The following MARK3 variants were observed in gnomAD, a reference collection of about 807,000 sequenced individuals.
The protein encoded by MARK3 is microtubule affinity regulating kinase 3.
A neutral mutation model predicts 90.1 loss-of-function variants in MARK3; 46 were observed. That is an observed-to-expected ratio of 0.51 (90% CI 0.40 to 0.65). The LOEUF is 0.65. MARK3 is among the 30% of genes least tolerant of loss of function. The probability of loss-of-function intolerance (pLI) is 0.00; values close to 1 mark genes in which losing one functional copy is unlikely to be tolerated. For synonymous variants in MARK3, 321 were observed against 332.6 expected (o/e 0.97, Z 0.38); for missense variants, 818 against 947.2 (o/e 0.86, Z 1.79).
chr14:103,436,111 G>A (rs911130639), intron 3 of MARK3, among the ~76,000 whole-genome samples: 5 of 151,952 alleles, frequency 3.3e-5, no homozygotes, highest in Admixed American at 3.3e-4. Context: ...GGCTGGTCTC[G>A]AACTCCTGAC....
intron 2 of MARK3, among the ~76,000 whole-genome samples, chr14:103,413,876 T>C (rs909460337): frequency 6.6e-6 from 1 of 152,180 alleles, no homozygotes; most frequent in Non-Finnish European, 1.5e-5. Context: ...GTTGCATATA[T>C]TGACAGTTTG....
At chr14:103,389,541 A>AAAAAAAAAAAAAAAAAAAC in intron 1 of MARK3, among the ~76,000 whole-genome samples, 3 of 146,332 alleles carry the variant, frequency 2.1e-5, no homozygotes, top group Non-Finnish European at 4.5e-5. Context: ...AAAAAAAAAA[A>AAAAAAAAAAAAAAAAAAAC]AAAAAAAGCA....
intron 2 of MARK3, among the ~76,000 whole-genome samples, chr14:103,426,289 T>A (rs1261880125): frequency 7.9e-6 from 1 of 127,002 alleles, no homozygotes; most frequent in African/African-American, 2.9e-5. Flanking sequence ...TTTTTTTTTT[T>A]ACAGTTTCTC....
At chr14:103,430,793 GTC>G (rs2092559965) in intron 3 of MARK3, among the ~76,000 whole-genome samples, 1 of 152,142 alleles carries the variant, frequency 6.6e-6, no homozygotes, top group Admixed American at 6.6e-5. Flanking sequence ...TCACAGATGA[GTC>G]TCTTCATTTT....
At chr14:103,406,088 T>A (rs1356851332) in intron 2 of MARK3, among the ~76,000 whole-genome samples, 1 of 151,648 alleles carries the variant, frequency 6.6e-6, no homozygotes, top group African/African-American at 2.4e-5. Flanking sequence ...AGAGACAGGG[T>A]TCTCACCGTG....
At chr14:103,436,704 C>T (rs2092724571) in intron 3 of MARK3, among the ~76,000 whole-genome samples, 1 of 152,318 alleles carries the variant, frequency 6.6e-6, no homozygotes, top group South Asian at 2.1e-4. Context: ...CCTGGAACTT[C>T]TGGGCTTAAG....
rs970982468 is a variant in MARK3 at position 103,458,346 on chromosome 14, C to T, written c.483+1134C>T. On this transcript the variant is annotated intron_variant, in intron 6 of 17. Coordinates refer to ENST00000429436, the MANE Select transcript of MARK3 (RefSeq NM_001128918.3). ...TGATGGCAGGTGCCTGTAATCCCAG[C>T]TACTGGGGAGGCTGAGGCAGGAGAA... 3.3e-5 allele frequency among the ~76,000 whole-genome samples: 5 copies of T among 150,312 alleles called. No homozygotes were observed. The South Asian group carries it at 1.1e-3, about 32-fold the overall frequency.
At chr14:103,386,294 G>T in intron 1 of MARK3, 1 of 703,630 alleles carries the variant, frequency 1.4e-6, no homozygotes, top group South Asian at 1.5e-5. Context: ...CATCGATTAT[G>T]CCGGCAGTCT....
chr14:103,430,260 CATT>C (rs1332062266), intron 3 of MARK3, among the ~76,000 whole-genome samples: 1 of 152,054 alleles, frequency 6.6e-6, no homozygotes, highest in East Asian at 1.9e-4. Context: ...GTTTATAGGC[CATT>C]GTTTAAAATT....
chr14:103,496,261 C>A (rs1299382303), intron 15 of MARK3, among the ~76,000 whole-genome samples: 1 of 152,130 alleles, frequency 6.6e-6, no homozygotes, highest in African/African-American at 2.4e-5. Context: ...TAGTAATTGA[C>A]CAGTAACCCT....
chr14:103,434,424 A>G (rs2092666954), intron 3 of MARK3, among the ~76,000 whole-genome samples: 1 of 152,236 alleles, frequency 6.6e-6, no homozygotes, highest in African/African-American at 2.4e-5. Flanking sequence ...AATTTTAGCT[A>G]CAGCATGATC....
At chr14:103,415,149 T>TC (rs1356128805) in intron 2 of MARK3, among the ~76,000 whole-genome samples, 1,169 of 49,812 alleles carry the variant, frequency 0.023, 92 homozygotes, top group Middle Eastern at 0.14. Context: ...AGACCTTGTC[T>TC]CAAAAAAAAA....
At chr14:103,477,129 T>C (rs2093727785) in intron 13 of MARK3, among the ~76,000 whole-genome samples, 1 of 152,250 alleles carries the variant, frequency 6.6e-6, no homozygotes, top group African/African-American at 2.4e-5. Context: ...GGGATTTCTC[T>C]GTAGATGGTC....
intron 11 of MARK3, chr14:103,467,736 C>A: frequency 1.2e-5 from 2 of 172,390 alleles, no homozygotes; most frequent in South Asian, 1.7e-4. Context: ...CATAAATTAA[C>A]CTGTAGTCAT....
intron 14 of MARK3, among the ~76,000 whole-genome samples, chr14:103,486,426 C>T (rs1391091865): frequency 6.6e-6 from 1 of 151,842 alleles, no homozygotes; most frequent in Non-Finnish European, 1.5e-5. Flanking sequence ...ACGGTAGAGC[C>T]AGACCCAGTC....
chr14:103,428,523 T>G lies in MARK3; in HGVS notation c.297+83T>G, dbSNP rs558037598. ...TAATTTGTCCCTTAAATACCCCAAC[T>G]GTTATTTTATGTTTAATGCCATAAA... is the stretch of plus-strand genomic sequence containing the variant. On this transcript the variant is annotated intron_variant, in intron 3 of 17. Coordinates refer to ENST00000429436, the MANE Select transcript of MARK3 (RefSeq NM_001128918.3). The G allele has an allele frequency of 5.6e-5, 40 of 715,954 alleles. No homozygotes were observed. In the African/African-American group the frequency reaches 6.7e-4, roughly 12 times the overall value. The allele number at this position is 715,954 out of a possible 1,614,324, so 44.4% of individuals were successfully genotyped here.
intron 1 of MARK3, among the ~76,000 whole-genome samples, chr14:103,397,796 C>T (rs1478224104): frequency 6.6e-6 from 1 of 152,092 alleles, no homozygotes; most frequent in Non-Finnish European, 1.5e-5. Flanking sequence ...AATAACAGTT[C>T]CCCCTTCCTA....
At position 103,448,905 on chromosome 14, in the gene MARK3, GTTTTT is replaced by G. The variant is rs749864596; in HGVS notation, c.298-7_298-3del. On this transcript the variant is annotated splice_polypyrimidine_tract_variant and intron_variant, in intron 3 of 17. Transcript: ENST00000429436. ...GTTGGGGGGATTATGTGTTTTGTTT[GTTTTT>G]TTTTTTAGCTCTTCAGAGAAGTAAG... 1.8e-6 allele frequency: 2 copies of G among 1,136,632 alleles called. No individual in the cohort carries two copies. Among genetic ancestry groups the G allele is most frequent in the Non-Finnish European group, 2.4e-6 (2 of 824,590 alleles). The allele number at this position is 1,136,632 out of a possible 1,614,324, so 70.4% of individuals were successfully genotyped here.
intron 4 of MARK3, among the ~76,000 whole-genome samples, chr14:103,449,378 C>G (rs2141305013): frequency 6.9e-6 from 1 of 144,064 alleles, no homozygotes; most frequent in African/African-American, 2.6e-5. Context: ...GAGCTCAAGA[C>G]CAGCCTAAGC....
Sources: allele counts gnomAD v4.1 joint callset (sites outside exome capture counted in the v4.1 genomes callset), GRCh38; gene constraint gnomAD v4.1.1; transcripts MANE v1.5; gene names NCBI Gene and HGNC (gene_info 2026-07-23, HGNC 2026-07-21).